The following MACROD2 variants were observed in gnomAD, a reference collection of about 807,000 sequenced individuals.
MACROD2 encodes mono-ADP ribosylhydrolase 2.
Under a neutral mutation model 70.4 loss-of-function variants are expected in MACROD2, and 36 were observed. The observed-to-expected ratio is 0.51, with a 90% CI of 0.39 to 0.68. The LOEUF (loss-of-function observed/expected upper bound fraction) is 0.68. Among genes scored for constraint, MACROD2 ranks in the 30% least tolerant of loss-of-function variants. The probability of loss-of-function intolerance (pLI) is 0.00; values close to 1 mark genes in which losing one functional copy is unlikely to be tolerated. For missense variants in MACROD2, 496 were observed against 538.4 expected, an observed-to-expected ratio of 0.92 and a Z score of 0.78; for synonymous variants, 172 against 178.8, an observed-to-expected ratio of 0.96 and a Z score of 0.30.
chr20:15,426,404 G>T (rs1016203123), intron 6 of MACROD2, among the ~76,000 whole-genome samples: 2 of 151,932 alleles, frequency 1.3e-5, no homozygotes, highest in African/African-American at 4.8e-5. Flanking sequence ...GAGTGTAGTG[G>T]TGGAATCATG....
chr20:15,019,720 A>G (rs2075149689), intron 5 of MACROD2, among the ~76,000 whole-genome samples: 1 of 152,198 alleles, frequency 6.6e-6, no homozygotes, highest in Non-Finnish European at 1.5e-5. Flanking sequence ...GGAGAAGAAG[A>G]AAAACAGTTA....
intron 8 of MACROD2, among the ~76,000 whole-genome samples, chr20:15,640,541 C>T (rs941312737): frequency 1.3e-5 from 2 of 152,206 alleles, no homozygotes; most frequent in Non-Finnish European, 2.9e-5. Context: ...TTCTATCTGC[C>T]GTTACACAAA....
At chr20:14,100,253 A>G (rs1247323677) in intron 3 of MACROD2, among the ~76,000 whole-genome samples, 1 of 151,950 alleles carries the variant, frequency 6.6e-6, no homozygotes, top group Non-Finnish European at 1.5e-5. Flanking sequence ...CAGAAAGTCT[A>G]TTTCCATATG....
chr20:15,338,573 G>A (rs2078074379), intron 6 of MACROD2, among the ~76,000 whole-genome samples: 1 of 151,544 alleles, frequency 6.6e-6, no homozygotes, highest in Non-Finnish European at 1.5e-5. Flanking sequence ...CTTAATGTGT[G>A]GCAGGAATTT....
At chr20:16,045,314 G>T (rs1258592104) in intron 17 of MACROD2, among the ~76,000 whole-genome samples, 1 of 152,112 alleles carries the variant, frequency 6.6e-6, no homozygotes, top group African/African-American at 2.4e-5. Context: ...TCTCAGTAGA[G>T]ACTAAAATAT....
intron 5 of MACROD2, among the ~76,000 whole-genome samples, chr20:15,219,992 A>ATTTTTTTTTTTTTTTTTTTTTT (rs200180828): frequency 7.3e-6 from 1 of 137,798 alleles, no homozygotes; most frequent in African/African-American, 2.6e-5. Flanking sequence ...ATCACTGCAC[A>ATTTTTTTTTTTTTTTTTTTTTT]TTTTTTTTTT....
In MACROD2 at chr20:15,027,284, G is replaced by A. The variant is rs79834083; in HGVS notation, c.419-202656G>A. Among the ~76,000 whole-genome samples the A allele has an allele frequency of 2.0e-5, 3 of 151,986 alleles. No homozygotes were observed. The East Asian group carries it at 5.8e-4, about 29-fold the overall frequency. ...CATCTCTTTGTCCTATCATGTTTCCGCTTTTTGCTTTCAGTGCTAATTTCC... is the reference window on the plus strand; with the variant it reads ...CATCTCTTTGTCCTATCATGTTTCCACTTTTTGCTTTCAGTGCTAATTTCC... On this transcript the variant is annotated intron_variant, in intron 5 of 17. Coordinates refer to ENST00000684519, the MANE Select transcript of MACROD2 (RefSeq NM_001351661.2).
intron 2 of MACROD2, among the ~76,000 whole-genome samples, chr20:14,032,292 G>GTA (rs2053255066): frequency 1.3e-5 from 2 of 151,928 alleles, no homozygotes; most frequent in African/African-American, 4.8e-5. Flanking sequence ...ACCCTTGTGT[G>GTA]TATGTGTGAG....
intron 5 of MACROD2, among the ~76,000 whole-genome samples, chr20:14,928,812 A>G (rs983788337): frequency 7.9e-5 from 12 of 152,216 alleles, no homozygotes; most frequent in Admixed American, 7.9e-4. Context: ...TTTGTTGACA[A>G]AACTGAATTT....
intron 3 of MACROD2, among the ~76,000 whole-genome samples, chr20:14,246,383 A>C (rs1189622816): frequency 6.6e-6 from 1 of 152,212 alleles, no homozygotes; most frequent in Non-Finnish European, 1.5e-5. Flanking sequence ...AAATCCTCCC[A>C]AAATAAATCA....
chr20:15,639,778 G>A (rs2049426700), intron 8 of MACROD2, among the ~76,000 whole-genome samples: 1 of 152,058 alleles, frequency 6.6e-6, no homozygotes, highest in African/African-American at 2.4e-5. Flanking sequence ...GATGGGTTTG[G>A]GATATAGACC....
chr20:14,195,422 C>G (rs1048482424), intron 3 of MACROD2, among the ~76,000 whole-genome samples: 1 of 151,984 alleles, frequency 6.6e-6, no homozygotes, highest in Non-Finnish European at 1.5e-5. Context: ...TTCAATGATA[C>G]GGAAGGGGAG....
At chr20:15,931,760 G>A (rs1042795654) in intron 10 of MACROD2, among the ~76,000 whole-genome samples, 1 of 152,096 alleles carries the variant, frequency 6.6e-6, no homozygotes, top group African/African-American at 2.4e-5. Context: ...CAACCTCAGA[G>A]TATCATTCTT....
At chr20:15,434,086 A>C (rs2046397536) in intron 7 of MACROD2, among the ~76,000 whole-genome samples, 1 of 152,126 alleles carries the variant, frequency 6.6e-6, no homozygotes, top group African/African-American at 2.4e-5. Flanking sequence ...AAACCATAAA[A>C]ATTCTGGAAG....
intron 5 of MACROD2, among the ~76,000 whole-genome samples, chr20:15,044,134 G>T (rs546716996): frequency 6.6e-6 from 1 of 152,260 alleles, no homozygotes; most frequent in South Asian, 2.1e-4. Flanking sequence ...GGGCTGAAAG[G>T]TGCCAACCCT....
rs372246517 is a variant in MACROD2, at chr20:15,676,447, A to G, written c.645+176600A>G. On this transcript the variant is annotated intron_variant, in intron 8 of 17. Transcript: ENST00000684519. ...CTATTTTTCTTTTCTACTTCATTAA[A>G]GAGTATAACCAAAAACCACATCTAT... 2.7e-4 allele frequency among the ~76,000 whole-genome samples: 41 copies of G among 152,372 alleles called. No homozygotes were observed. The South Asian group carries it at 8.3e-3, about 31-fold the overall frequency.
intron 3 of MACROD2, among the ~76,000 whole-genome samples, chr20:14,310,370 C>T (rs2082555929): frequency 6.9e-6 from 1 of 145,490 alleles, no homozygotes. Flanking sequence ...TGCATAAGGA[C>T]ATTTTGACCA....
intron 5 of MACROD2, among the ~76,000 whole-genome samples, chr20:14,784,316 A>G (rs1202328743): frequency 6.6e-6 from 1 of 152,084 alleles, no homozygotes; most frequent in East Asian, 1.9e-4. Context: ...TTTGTTCAGG[A>G]CGGAGCTTGG....
At chr20:14,669,777 T>G (rs2123557305) in intron 4 of MACROD2, among the ~76,000 whole-genome samples, 1 of 152,052 alleles carries the variant, frequency 6.6e-6, no homozygotes, top group East Asian at 1.9e-4. Context: ...TCCCTCCCCT[T>G]GCACTTCTGC....
Sources: allele counts gnomAD v4.1 joint callset (sites outside exome capture counted in the v4.1 genomes callset), GRCh38; gene constraint gnomAD v4.1.1; transcripts MANE v1.5; gene names NCBI Gene and HGNC (gene_info 2026-07-23, HGNC 2026-07-21).